CACNB4: variants seen among roughly 807,000 people sequenced by gnomAD.
The protein encoded by CACNB4 is calcium voltage-gated channel auxiliary subunit beta 4.
A neutral mutation model predicts 71.2 loss-of-function variants in CACNB4; 32 were observed. That is an observed-to-expected ratio of 0.45 (90% confidence interval 0.34 to 0.60). The LOEUF is 0.60. Among genes scored for constraint, CACNB4 ranks in the 20% least tolerant of loss-of-function variants. CACNB4 has a pLI of 0.01. For synonymous variants in CACNB4, 231 were observed against 236.9 expected, an observed-to-expected ratio of 0.97 and a Z score of 0.23; for missense variants, 464 against 647.9, an observed-to-expected ratio of 0.72 and a Z score of 3.08.
At chr2:152,011,161 G>C (rs1683035171) in intron 2 of CACNB4, among the ~76,000 whole-genome samples, 1 of 152,162 alleles carries the variant, frequency 6.6e-6, no homozygotes, top group Non-Finnish European at 1.5e-5. Context: ...CATCTGTACA[G>C]GTGAGAGCCC....
intron 2 of CACNB4, among the ~76,000 whole-genome samples, chr2:152,050,571 A>C (rs551571334): frequency 2.0e-5 from 3 of 152,218 alleles, no homozygotes; most frequent in African/African-American, 7.2e-5. Flanking sequence ...AAAATGCAAG[A>C]CCAGTGCAGC....
chr2:151,959,823 A>G (rs16830503), intron 2 of CACNB4, among the ~76,000 whole-genome samples: 2,916 of 152,324 alleles, frequency 0.019, 89 homozygotes, highest in African/African-American at 0.065. Flanking sequence ...CAATCTTAAT[A>G]AAGTCCTGTT....
intron 2 of CACNB4, among the ~76,000 whole-genome samples, chr2:151,909,105 T>C (rs948720879): frequency 3.4e-5 from 5 of 147,452 alleles, no homozygotes; most frequent in Non-Finnish European, 7.5e-5. Flanking sequence ...TATAAATATA[T>C]ATATTTATAT....
intron 4 of CACNB4, among the ~76,000 whole-genome samples, chr2:151,879,072 G>T (rs910906238): frequency 1.3e-5 from 2 of 152,132 alleles, no homozygotes; most frequent in African/African-American, 4.8e-5. Flanking sequence ...AAGGGCAAAG[G>T]GACCCTTTTA....
At chr2:151,963,154 T>C (rs371632749) in intron 2 of CACNB4, among the ~76,000 whole-genome samples, 3 of 151,776 alleles carry the variant, frequency 2.0e-5, no homozygotes, top group Admixed American at 6.6e-5. Flanking sequence ...CTACTAAAAA[T>C]ACAAAAAATT....
In CACNB4 at chr2:151,998,151, T is replaced by G. The variant is rs185870437; in HGVS notation, c.147+100179A>C. Among the ~76,000 whole-genome samples the G allele has an allele frequency of 1.3e-3, 196 of 151,996 alleles. 2 individuals are homozygous for G. The highest frequency in any genetic ancestry group is 4.4e-3 in the African/African-American group (181 of 41,430). ...CAGCCTGGCCAACATGGTGAACCCC[T>G]GTCTCTACTAAAAATACAAAAAAAT... On this transcript the variant is annotated intron_variant, in intron 2 of 13. Transcript: ENST00000539935.
At chr2:151,855,038 G>A (rs1446431035) in intron 11 of CACNB4, 186 bp downstream of exon 11, 4 of 411,472 alleles carry the variant, frequency 9.7e-6, no homozygotes, top group Non-Finnish European at 1.7e-5. Context: ...GCTTTTAGAA[G>A]AAATGAACTA....
intron 2 of CACNB4, among the ~76,000 whole-genome samples, chr2:151,915,805 C>T (rs1233689786): frequency 1.3e-5 from 2 of 149,906 alleles, no homozygotes; most frequent in East Asian, 3.9e-4. Flanking sequence ...TGAGATTGCG[C>T]CATAGCACTC....
intron 13 of CACNB4, among the ~76,000 whole-genome samples, chr2:151,839,752 CATTT>C (rs1247835223): frequency 6.6e-6 from 1 of 152,126 alleles, no homozygotes; most frequent in African/African-American, 2.4e-5. Flanking sequence ...TTCAGAATAG[CATTT>C]ATTATTTCTC....
At chr2:151,917,973 A>G (rs982584369) in intron 2 of CACNB4, among the ~76,000 whole-genome samples, 6 of 152,162 alleles carry the variant, frequency 3.9e-5, no homozygotes, top group Non-Finnish European at 2.9e-5. Flanking sequence ...TGCACTGACA[A>G]CTAAAGGAGG....
intron 2 of CACNB4, among the ~76,000 whole-genome samples, chr2:152,051,938 A>G (rs569867425): frequency 2.6e-5 from 4 of 152,258 alleles, no homozygotes; most frequent in Non-Finnish European, 5.9e-5. Flanking sequence ...ATTAAAGTAC[A>G]TATAATATGT....
chr2:152,066,122 TGCTGACGTG>T (rs1045219702), intron 2 of CACNB4, among the ~76,000 whole-genome samples: 2 of 152,182 alleles, frequency 1.3e-5, no homozygotes, highest in African/African-American at 4.8e-5. Flanking sequence ...CTCCAGCCTC[TGCTGACGTG>T]GCCACGTACA....
chr2:151,939,547 C>A (rs529092049), intron 2 of CACNB4, among the ~76,000 whole-genome samples: 1 of 152,182 alleles, frequency 6.6e-6, no homozygotes, highest in Non-Finnish European at 1.5e-5. Context: ...AGGCATCACC[C>A]GTGACCATTT....
chr2:151,985,260 T>C (rs1681285917), intron 2 of CACNB4, among the ~76,000 whole-genome samples: 1 of 152,172 alleles, frequency 6.6e-6, no homozygotes, highest in African/African-American at 2.4e-5. Context: ...ATGTAAACTT[T>C]TGCATTCTCT....
At chr2:151,946,366 C>G (rs2099865623) in intron 2 of CACNB4, among the ~76,000 whole-genome samples, 1 of 151,598 alleles carries the variant, frequency 6.6e-6, no homozygotes, top group African/African-American at 2.4e-5. Flanking sequence ...GCTTCAGTGA[C>G]CAACCTTCCT....
At chr2:151,948,525 G>T (rs1459903056) in intron 2 of CACNB4, among the ~76,000 whole-genome samples, 1 of 152,114 alleles carries the variant, frequency 6.6e-6, no homozygotes, top group Non-Finnish European at 1.5e-5. Context: ...GCCAGGCATA[G>T]TGATGCATGC....
rs528689170 is a variant in CACNB4, at chr2:151,992,369, G to A, written c.147+105961C>T. ...TTTCCTTCAGTTTATCCCGTGTCCC[G>A]GGGATTTTAATTAATAAACAGTGCA... On this transcript the variant is annotated intron_variant, in intron 2 of 13. Transcript: ENST00000539935. Among the ~76,000 whole-genome samples the A allele has an allele frequency of 2.2e-4, 33 of 152,278 alleles. No individual in the cohort carries two copies. In the South Asian group the frequency reaches 6.0e-3, roughly 28 times the overall value.
At chr2:152,059,195 C>A (rs2105325658) in intron 2 of CACNB4, among the ~76,000 whole-genome samples, 1 of 152,314 alleles carries the variant, frequency 6.6e-6, no homozygotes, top group Admixed American at 6.5e-5. Flanking sequence ...CACACAGAGT[C>A]CCCCACTGGG....
chr2:152,086,244 G>A lies in CACNB4; in HGVS notation c.147+12086C>T, dbSNP rs148120401. On this transcript the variant is annotated intron_variant, in intron 2 of 13. Coordinates refer to ENST00000539935, the MANE Select transcript of CACNB4 (RefSeq NM_000726.5). ...AGAGAAATATGTATATTGTAATAAA[G>A]TAAATGAATACGACAATCAATACTA... Among the ~76,000 whole-genome samples the A allele has an allele frequency of 3.1e-3, 472 of 152,318 alleles. 1 individual carries two copies. The highest frequency in any genetic ancestry group is 0.01 in the Middle Eastern group (3 of 294).
Sources: gnomAD v4.1 joint callset for allele counts (sites outside exome capture counted in the v4.1 genomes callset) on GRCh38, gnomAD v4.1.1 for gene constraint, MANE v1.5 for transcripts, NCBI Gene and HGNC (gene_info 2026-07-23, HGNC 2026-07-21) for gene names.